The following FOXP1 variants were observed in gnomAD, a reference collection of about 807,000 sequenced individuals.
FOXP1 encodes the protein forkhead box P1.
Under a neutral mutation model 98.2 loss-of-function variants are expected in FOXP1, and 15 were observed. The ratio of observed to expected loss-of-function variants is 0.15; its 90% confidence interval spans 0.10 to 0.24. The LOEUF is 0.24. Among genes scored for constraint, FOXP1 ranks in the 10% least tolerant of loss-of-function variants. FOXP1 has a pLI of 1.00. For missense variants in FOXP1, 633 were observed against 848.5 expected, an observed-to-expected ratio of 0.75 and a Z score of 3.15; for synonymous variants, 371 against 314.5, an observed-to-expected ratio of 1.18 and a Z score of -1.90.
intron 6 of FOXP1, among the ~76,000 whole-genome samples, chr3:71,183,553 C>A (rs2108295802): frequency 6.6e-6 from 1 of 152,190 alleles, no homozygotes; most frequent in South Asian, 2.1e-4. Flanking sequence ...GACAATTTAC[C>A]ATGTGGTGTG....
At chr3:70,981,161 C>T (rs1479788966) in intron 14 of FOXP1, among the ~76,000 whole-genome samples, 1 of 129,872 alleles carries the variant, frequency 7.7e-6, no homozygotes, top group African/African-American at 2.9e-5. Context: ...GTAGCTATTA[C>T]CAAGATCGCA....
chr3:70,979,051 G>A (rs1002502378), intron 14 of FOXP1, among the ~76,000 whole-genome samples: 1 of 151,944 alleles, frequency 6.6e-6, no homozygotes, highest in African/African-American at 2.4e-5. Flanking sequence ...AGGATCTCTT[G>A]AGGCCAGGAG....
intron 5 of FOXP1, among the ~76,000 whole-genome samples, chr3:71,248,031 C>A (rs2067887014): frequency 6.6e-6 from 1 of 152,176 alleles, no homozygotes; most frequent in Non-Finnish European, 1.5e-5. Context: ...AAGGTGAGCA[C>A]AATAGCAAGA....
intron 3 of FOXP1, among the ~76,000 whole-genome samples, chr3:71,395,372 G>A (rs1228661617): frequency 1.4e-5 from 2 of 147,756 alleles, no homozygotes; most frequent in African/African-American, 5.0e-5. Context: ...CCTTTTTTCT[G>A]TTCCTCAGAC....
At chr3:70,981,281 G>T (rs1243815295) in intron 14 of FOXP1, among the ~76,000 whole-genome samples, 1 of 146,510 alleles carries the variant, frequency 6.8e-6, no homozygotes, top group Non-Finnish European at 1.5e-5. Flanking sequence ...GATGAAGGTA[G>T]AATTTTCTGG....
At chr3:71,529,103 TC>T (rs1461201739) in intron 2 of FOXP1, among the ~76,000 whole-genome samples, 1 of 152,096 alleles carries the variant, frequency 6.6e-6, no homozygotes, top group Non-Finnish European at 1.5e-5. Flanking sequence ...AAGTCAAACC[TC>T]CTGACATCCG....
chr3:71,422,739 C>A (rs1440633402), intron 3 of FOXP1, among the ~76,000 whole-genome samples: 2 of 152,138 alleles, frequency 1.3e-5, no homozygotes, highest in Non-Finnish European at 2.9e-5. Flanking sequence ...AGAGAAGGAT[C>A]TAGGGGACAA....
At chr3:71,501,293 CTTTT>C (rs763654842) in intron 2 of FOXP1, among the ~76,000 whole-genome samples, 1 of 129,720 alleles carries the variant, frequency 7.7e-6, no homozygotes, top group African/African-American at 2.9e-5. Context: ...AAATGCTTTT[CTTTT>C]TTTTTTTTTT....
intron 5 of FOXP1, among the ~76,000 whole-genome samples, chr3:71,203,036 C>T (rs2063772254): frequency 6.6e-6 from 1 of 152,186 alleles, no homozygotes; most frequent in Non-Finnish European, 1.5e-5. Context: ...CCATGACATA[C>T]TGACAGCAGG....
chr3:71,578,115 C>G (rs1415685448), intron 2 of FOXP1, among the ~76,000 whole-genome samples: 1 of 152,078 alleles, frequency 6.6e-6, no homozygotes, highest in Non-Finnish European at 1.5e-5. Flanking sequence ...CTGTGTAAAT[C>G]TAGCCATGCT....
At chr3:71,462,277 G>A (rs1483149351) in intron 3 of FOXP1, among the ~76,000 whole-genome samples, 3 of 152,138 alleles carry the variant, frequency 2.0e-5, no homozygotes, top group Non-Finnish European at 4.4e-5. Context: ...TTTGAAAGGC[G>A]GGACAGAAGA....
intron 7 of FOXP1, among the ~76,000 whole-genome samples, chr3:71,091,421 C>T (rs902019685): frequency 9.2e-5 from 14 of 151,684 alleles, no homozygotes; most frequent in Non-Finnish European, 5.9e-5. Context: ...ACCCGGGAGG[C>T]GGAGGTTGTA....
chr3:71,582,353 G>A (rs1190818153), intron 1 of FOXP1: 5 of 971,418 alleles, frequency 5.1e-6, no homozygotes, highest in African/African-American at 1.8e-5. Context: ...CGCGGCAACT[G>A]GCAAACTCCT....
In FOXP1 at chr3:71,064,701, A is replaced by T. The variant is rs2052126031; in HGVS notation, c.283-10928T>A. On this transcript the variant is annotated intron_variant, in intron 7 of 20. Transcript: ENST00000649528. Reference sequence around the variant, plus strand: ...ACAGCGAGGATGAGGATGATTTTTTAAAAGACTCAACTTCAGAACCCTCGG... The same window carrying T: ...ACAGCGAGGATGAGGATGATTTTTTTAAAGACTCAACTTCAGAACCCTCGG... 6.0e-6 allele frequency: 4 copies of T among 662,244 alleles called. 1 individual carries two copies. The South Asian group carries it at 2.7e-4, about 44-fold the overall frequency. The allele number at this position is 662,244 out of a possible 1,614,324, so 41.0% of individuals were successfully genotyped here.
chr3:71,056,904 G>T (rs187993502), intron 7 of FOXP1, among the ~76,000 whole-genome samples: 1 of 151,908 alleles, frequency 6.6e-6, no homozygotes, highest in Non-Finnish European at 1.5e-5. Context: ...AATTCCCAAC[G>T]TCCAACTTTT....
chr3:71,402,984 C>T (rs1006323226), intron 3 of FOXP1, among the ~76,000 whole-genome samples: 17 of 152,224 alleles, frequency 1.1e-4, no homozygotes, highest in African/African-American at 4.1e-4. Flanking sequence ...AAAAATCCCT[C>T]AATCAACTAG....
chr3:71,575,372 T>C (rs1021334031), intron 2 of FOXP1, among the ~76,000 whole-genome samples: 5 of 152,112 alleles, frequency 3.3e-5, no homozygotes, highest in African/African-American at 9.7e-5. Context: ...TCAAGGGAAG[T>C]TTGTTATAAA....
Position 70,956,575 on chromosome 3 carries a change from T to TAG in FOXP1, c.*2671_*2672insCT, listed in dbSNP as rs2031845075. On this transcript the variant is annotated 3_prime_UTR_variant, in exon 21 of 21. Coordinates refer to ENST00000649528, the MANE Select transcript of FOXP1 (RefSeq NM_001349338.3). ...TTTCTCATGCTGTTATCTTTACTCATGTCTAGCTACACATGCTGAGAATGA... is the reference window on the plus strand; with the variant it reads ...TTTCTCATGCTGTTATCTTTACTCATAGGTCTAGCTACACATGCTGAGAATGA... The TAG allele has an allele frequency of 4.3e-6, 1 of 230,124 alleles. No homozygotes were observed. The highest frequency in any genetic ancestry group is 8.6e-6 in the Non-Finnish European group (1 of 116,104). The allele number at this position is 230,124 out of a possible 1,614,324, so 14.3% of individuals were successfully genotyped here. A position where few individuals can be genotyped will look rare whatever the true frequency, so the allele number is the denominator to read the frequency against.
At position 71,345,871 on chromosome 3, in the gene FOXP1, TAAAAA is replaced by T. The variant is rs71120316; in HGVS notation, c.-73+13274_-73+13278del. Among the ~76,000 whole-genome samples the T allele has an allele frequency of 5.5e-3, 303 of 55,084 alleles. 5 individuals are homozygous for T. The highest frequency in any genetic ancestry group is 0.015 in the African/African-American group (252 of 16,268). The allele number at this position is 55,084 out of a possible 152,430, so 36.1% of individuals were successfully genotyped here. A position where few individuals can be genotyped will look rare whatever the true frequency, so the allele number is the denominator to read the frequency against. ...AGGTTTGAAATCAATAAAGTTTTTG[TAAAAA>T]AAAAAAAAAAAAAAAAAAAAAAGAG... On this transcript the variant is annotated intron_variant, in intron 4 of 20. Transcript: ENST00000649528.
Sources: gnomAD v4.1 joint callset for allele counts (sites outside exome capture counted in the v4.1 genomes callset) on GRCh38, gnomAD v4.1.1 for gene constraint, MANE v1.5 for transcripts, NCBI Gene and HGNC (gene_info 2026-07-23, HGNC 2026-07-21) for gene names.